The following ARHGAP26 variants were observed in gnomAD, a reference collection of about 807,000 sequenced individuals.
The protein encoded by ARHGAP26 is rho GTPase-activating protein 26.
Under a neutral mutation model 104.8 loss-of-function variants are expected in ARHGAP26, and 38 were observed. That is an observed-to-expected ratio of 0.36 (90% CI 0.28 to 0.48). The LOEUF is 0.48. Among genes scored for constraint, ARHGAP26 ranks in the 20% least tolerant of loss-of-function variants. The pLI is 0.99. For synonymous variants in ARHGAP26, 341 were observed against 340.0 expected (o/e 1.00, Z -0.03); for missense variants, 704 against 947.9 (o/e 0.74, Z 3.38).
At chr5:143,147,741 C>T (rs1799336642) in intron 20 of ARHGAP26, among the ~76,000 whole-genome samples, 1 of 152,112 alleles carries the variant, frequency 6.6e-6, no homozygotes, top group Non-Finnish European at 1.5e-5. Flanking sequence ...TTGTTTCACT[C>T]ATCTATGTTG....
chr5:143,060,660 C>T (rs972031300), intron 17 of ARHGAP26, among the ~76,000 whole-genome samples: 1 of 151,810 alleles, frequency 6.6e-6, no homozygotes, highest in Non-Finnish European at 1.5e-5. Flanking sequence ...AGTATACAGT[C>T]TGGAGTCATG....
intron 1 of ARHGAP26, among the ~76,000 whole-genome samples, chr5:142,870,589 C>T (rs1367918883): frequency 2.0e-5 from 3 of 152,214 alleles, no homozygotes; most frequent in Admixed American, 1.3e-4. Context: ...CCTGGTTCCT[C>T]TTACTGGAGG....
chr5:143,062,272 GCAAAA>G, intron 17 of ARHGAP26, among the ~76,000 whole-genome samples: 1 of 152,168 alleles, frequency 6.6e-6, no homozygotes, highest in Non-Finnish European at 1.5e-5. Flanking sequence ...AATGAAGAGG[GCAAAA>G]TTGACTTTAC....
chr5:142,948,583 T>C (rs1326940953), intron 11 of ARHGAP26, among the ~76,000 whole-genome samples: 1 of 151,936 alleles, frequency 6.6e-6, no homozygotes, highest in African/African-American at 2.4e-5. Context: ...AAGCTACTTA[T>C]TGATAGTTAA....
chr5:142,826,517 G>A (rs1019268384), intron 1 of ARHGAP26, among the ~76,000 whole-genome samples: 2 of 152,246 alleles, frequency 1.3e-5, no homozygotes, highest in Non-Finnish European at 2.9e-5. Flanking sequence ...GTGCTAGCAC[G>A]AGGATTATTA....
At chr5:143,151,591 T>C (rs967227754) in intron 20 of ARHGAP26, among the ~76,000 whole-genome samples, 13 of 152,212 alleles carry the variant, frequency 8.5e-5, no homozygotes, top group Non-Finnish European at 1.6e-4. Flanking sequence ...TATTATTCAA[T>C]GATTTTAAAA....
chr5:143,107,712 A>T (rs537533959), intron 17 of ARHGAP26, among the ~76,000 whole-genome samples: 1 of 152,062 alleles, frequency 6.6e-6, no homozygotes, highest in East Asian at 1.9e-4. Flanking sequence ...TCTCGACTTC[A>T]CTCTGAATCG....
intron 11 of ARHGAP26, among the ~76,000 whole-genome samples, chr5:142,940,306 C>G (rs1766053158): frequency 6.6e-6 from 1 of 152,032 alleles, no homozygotes; most frequent in Non-Finnish European, 1.5e-5. Context: ...TCTGAGCTTT[C>G]TTTTTATTTA....
chr5:143,108,992 C>T (rs1794437827), intron 17 of ARHGAP26, among the ~76,000 whole-genome samples: 1 of 152,218 alleles, frequency 6.6e-6, no homozygotes, highest in African/African-American at 2.4e-5. Context: ...TCCTTTTGTC[C>T]CTGTCCTTTC....
rs1244951854 is a variant in ARHGAP26, at chr5:143,224,861, G to T, written c.*2415G>T. The T allele has an allele frequency of 8.8e-6, 2 of 226,066 alleles. No individual in the cohort carries two copies. Among genetic ancestry groups the T allele is most frequent in the Non-Finnish European group, 1.8e-5 (2 of 113,706 alleles). 14.0% of individuals were successfully genotyped at this position (226,066 alleles called of 1,614,324 possible). A position where few individuals can be genotyped will look rare whatever the true frequency, so the allele number is the denominator to read the frequency against. On this transcript the variant is annotated 3_prime_UTR_variant, in exon 23 of 23. Coordinates refer to ENST00000645722, the MANE Select transcript of ARHGAP26 (RefSeq NM_001135608.3). ...TACAGGTGGTTTTAAAGTTAACAGGGGTTTGTCATGGTGATTCACTACTCA... is the reference window on the plus strand; with the variant it reads ...TACAGGTGGTTTTAAAGTTAACAGGTGTTTGTCATGGTGATTCACTACTCA...
In ARHGAP26 at chr5:143,223,426, A is replaced by G. The variant is rs1358597039; in HGVS notation, c.*980A>G. ...TCTTGAGATTAAATTACATAGTCTT[A>G]ATATTTCTGTTCCTCCATGCAACTG... is the stretch of plus-strand genomic sequence containing the variant. On this transcript the variant is annotated 3_prime_UTR_variant, in exon 23 of 23. Coordinates refer to ENST00000645722, the MANE Select transcript of ARHGAP26 (RefSeq NM_001135608.3). 5.2e-5 allele frequency: 12 copies of G among 231,696 alleles called. No homozygotes were observed. The East Asian group carries it at 7.3e-4, about 14-fold the overall frequency. 14.4% of individuals were successfully genotyped at this position (231,696 alleles called of 1,614,324 possible).
At chr5:143,093,478 TTTCTC>T (rs1791759601) in intron 17 of ARHGAP26, among the ~76,000 whole-genome samples, 1 of 151,286 alleles carries the variant, frequency 6.6e-6, no homozygotes, top group African/African-American at 2.4e-5. Flanking sequence ...GGTACACTGT[TTTCTC>T]TTTACTATTT....
At chr5:143,207,356 C>T (rs1272654528) in intron 21 of ARHGAP26, 48 bp downstream of exon 21, 1 of 1,614,054 alleles carries the variant, frequency 6.2e-7, no homozygotes, top group Non-Finnish European at 8.5e-7. Flanking sequence ...GTTGTTCTCT[C>T]ATTGGCTCGG....
intron 11 of ARHGAP26, among the ~76,000 whole-genome samples, chr5:142,947,352 A>G (rs1767307640): frequency 6.6e-6 from 1 of 152,166 alleles, no homozygotes; most frequent in Admixed American, 6.5e-5. Context: ...CTAGCATTGA[A>G]TATACTGGAG....
Position 143,225,060 on chromosome 5 carries a change from T to C in ARHGAP26, c.*2614T>C, listed in dbSNP as rs1219826628. 3 of 225,442 alleles carry C rather than the reference T, an allele frequency of 1.3e-5. No homozygotes were observed. The highest frequency in any genetic ancestry group is 8.8e-6 in the Non-Finnish European group (1 of 113,238). The allele number at this position is 225,442 out of a possible 1,614,324, so 14.0% of individuals were successfully genotyped here. On this transcript the variant is annotated 3_prime_UTR_variant, in exon 23 of 23. Transcript: ENST00000645722. ...AGGGAGTATACTAGTAGGTTAGATC[T>C]GTGAACCTGAGGACAAGAAGACCTT...
chr5:143,222,151 G>A (rs191224763), intron 22 of ARHGAP26, among the ~76,000 whole-genome samples: 42 of 152,090 alleles, frequency 2.8e-4, no homozygotes, highest in African/African-American at 9.9e-4. Context: ...TCATCAGAAG[G>A]CTTATATTCC....
chr5:142,781,785 C>T (rs957236364), intron 1 of ARHGAP26, among the ~76,000 whole-genome samples: 2 of 152,140 alleles, frequency 1.3e-5, no homozygotes, highest in African/African-American at 4.8e-5. Flanking sequence ...TATCTTGGCT[C>T]ACTGCAACCT....
rs191256334 is a variant in ARHGAP26, at chr5:142,856,381, C to T, written c.155-17019C>T. On this transcript the variant is annotated intron_variant, in intron 1 of 22. Transcript: ENST00000645722. ...TCTGAGGACACCTATCTTGGAAGAT[C>T]GCTGTTTGGCCAGTGGGAGGGTGAC... Among the ~76,000 whole-genome samples the T allele has an allele frequency of 7.2e-5, 11 of 152,194 alleles. 1 individual carries two copies. The East Asian group carries it at 1.9e-3, about 27-fold the overall frequency.
intron 11 of ARHGAP26, among the ~76,000 whole-genome samples, chr5:143,008,202 T>G (rs1420784311): frequency 6.6e-6 from 1 of 152,244 alleles, no homozygotes; most frequent in Non-Finnish European, 1.5e-5. Context: ...CAATCCTAAG[T>G]GGTGGAGAGT....
Sources: gnomAD v4.1 joint callset for allele counts (sites outside exome capture counted in the v4.1 genomes callset) on GRCh38, gnomAD v4.1.1 for gene constraint, MANE v1.5 for transcripts, NCBI Gene and HGNC (gene_info 2026-07-23, HGNC 2026-07-21) for gene names.